Variants in FANK1 observed in about 807,000 individuals in gnomAD.
FANK1 encodes fibronectin type 3 and ankyrin repeat domains protein 1.
In FANK1, 44 loss-of-function variants were observed where a neutral mutation model predicts 45.3. The ratio of observed to expected loss-of-function variants is 0.97; its 90% CI spans 0.76 to 1.25. FANK1 has a LOEUF of 1.25. FANK1 is among the 50% of genes most tolerant of loss of function. FANK1 has a pLI of 0.00. For missense variants in FANK1, 391 were observed against 424.4 expected, an observed-to-expected ratio of 0.92 and a Z score of 0.69; for synonymous variants, 149 against 152.5, an observed-to-expected ratio of 0.98 and a Z score of 0.17.
intron 1 of FANK1, chr10:125,972,888 C>G (rs565755881): frequency 7.8e-6 from 1 of 127,978 alleles, no homozygotes; most frequent in African/African-American, 3.6e-5. Flanking sequence ...TCACTACCTG[C>G]CCCCAACACA....
intron 2 of FANK1, among the ~76,000 whole-genome samples, chr10:125,985,196 G>A (rs540796459): frequency 2.0e-5 from 3 of 152,176 alleles, no homozygotes; most frequent in Non-Finnish European, 4.4e-5. Context: ...AGCACTTCTG[G>A]TTTTATTTTG....
At chr10:125,934,741 T>G (rs1589927181) in intron 1 of FANK1, among the ~76,000 whole-genome samples, 3 of 133,340 alleles carry the variant, frequency 2.2e-5, no homozygotes, top group East Asian at 2.2e-4. Context: ...TTTTTTTTTT[T>G]TTTTTTTTTT....
chr10:125,990,665 C>T (rs1482102485), intron 3 of FANK1, among the ~76,000 whole-genome samples: 2 of 152,116 alleles, frequency 1.3e-5, no homozygotes, highest in Non-Finnish European at 2.9e-5. Flanking sequence ...TTCTGGCCGT[C>T]CTAGCCTGAG....
intron 1 of FANK1, among the ~76,000 whole-genome samples, chr10:125,936,305 T>A (rs959486066): frequency 5.9e-5 from 9 of 152,112 alleles, no homozygotes; most frequent in Admixed American, 1.3e-4. Context: ...TTTTTTTCAT[T>A]CCTTAACTGA....
chr10:125,971,830 G>T (rs555107828), intron 1 of FANK1, among the ~76,000 whole-genome samples: 1 of 152,082 alleles, frequency 6.6e-6, no homozygotes, highest in African/African-American at 2.4e-5. Context: ...CACCATGTTA[G>T]CCAGGATGGT....
chr10:125,976,629 T>TG (rs1294156348), intron 1 of FANK1, among the ~76,000 whole-genome samples: 3 of 151,980 alleles, frequency 2.0e-5, no homozygotes, highest in Non-Finnish European at 4.4e-5. Context: ...TGTAAATTTT[T>TG]TTTTTTTCCC....
In FANK1 at chr10:125,980,345, G is replaced by A. The variant is rs746415689; in HGVS notation, c.191+7G>A. ...CTTATGGTATCATTTATACGTAGGT[G>A]CAGTGTTGAATTGCTTGCCACTTTG... is the stretch of plus-strand genomic sequence containing the variant. On this transcript the variant is annotated splice_region_variant and intron_variant, in intron 2 of 10. Coordinates refer to ENST00000368693, the MANE Select transcript of FANK1 (RefSeq NM_145235.5). 2.5e-6 allele frequency: 4 copies of A among 1,610,628 alleles called. No homozygotes were observed. The highest frequency in any genetic ancestry group is 1.3e-5 in the African/African-American group (1 of 74,704).
intron 6 of FANK1, 73 bp from the exon 7 acceptor site, chr10:126,004,811 G>GGT: frequency 1.3e-6 from 2 of 1,526,386 alleles, no homozygotes; most frequent in Non-Finnish European, 1.8e-6. Context: ...GTTTAAGCCA[G>GGT]GTAGGGTAAA....
intron 1 of FANK1, among the ~76,000 whole-genome samples, chr10:125,931,921 A>T (rs570471991): frequency 1.3e-5 from 2 of 152,146 alleles, no homozygotes; most frequent in African/African-American, 2.4e-5. Flanking sequence ...ATTCTCCCAC[A>T]TGTGCATAAC....
chr10:125,984,841 TA>T lies in FANK1; in HGVS notation c.192-3709del, dbSNP rs1167681081. 3.9e-5 allele frequency among the ~76,000 whole-genome samples: 6 copies of T among 152,248 alleles called. No individual in the cohort carries two copies. In the East Asian group the frequency reaches 1.2e-3, roughly 29 times the overall value. On this transcript the variant is annotated intron_variant, in intron 2 of 10. Transcript: ENST00000368693. The stretch of plus-strand genomic sequence containing the variant: ...CTTTAAATTTTTGTAGACTTTCCTC[TA>T]CTGTGGAAGTCACTCTAAGATTCAT...
At chr10:125,980,555 C>A (rs1319016241) in intron 2 of FANK1, 2 of 493,368 alleles carry the variant, frequency 4.1e-6, no homozygotes, top group Admixed American at 7.5e-5. Flanking sequence ...TCTTTGACTT[C>A]TGAAATATTT....
At chr10:125,999,101 G>A (rs1418486667) in intron 6 of FANK1, among the ~76,000 whole-genome samples, 2 of 151,988 alleles carry the variant, frequency 1.3e-5, no homozygotes, top group African/African-American at 4.8e-5. Flanking sequence ...ATTTTTTAAC[G>A]TAACATTTTC....
chr10:125,951,409 GA>G (rs1399511337), intron 1 of FANK1, among the ~76,000 whole-genome samples: 1 of 151,780 alleles, frequency 6.6e-6, no homozygotes, highest in Non-Finnish European at 1.5e-5. Flanking sequence ...TTTGGAGGCA[GA>G]AAAATTTGCA....
intron 1 of FANK1, among the ~76,000 whole-genome samples, chr10:125,961,019 G>A (rs1305435447): frequency 6.6e-6 from 1 of 152,156 alleles, no homozygotes; most frequent in Non-Finnish European, 1.5e-5. Context: ...AGACAGCATG[G>A]TACTGTCATA....
At position 125,997,257 on chromosome 10, in the gene FANK1, GT is replaced by G. The variant is rs201551543; in HGVS notation, c.474-160del. On this transcript the variant is annotated intron_variant, in intron 5 of 10. Transcript: ENST00000368693. ...TCTGGAATAAAGAGGTGGTTTTCTGGTTTAATGGTGCCTGGTTTTAAAACCA... is the reference window on the plus strand; with the variant it reads ...TCTGGAATAAAGAGGTGGTTTTCTGGTTAATGGTGCCTGGTTTTAAAACCA... 9.5e-3 allele frequency among the ~76,000 whole-genome samples: 1,445 copies of G among 152,270 alleles called. 19 individuals carry two copies. The highest frequency in any genetic ancestry group is 0.014 in the Non-Finnish European group (932 of 68,028).
intron 1 of FANK1, among the ~76,000 whole-genome samples, chr10:125,958,563 A>G (rs1037466860): frequency 2.6e-5 from 4 of 152,158 alleles, no homozygotes; most frequent in African/African-American, 9.7e-5. Context: ...AGGAACCTCC[A>G]TACTGTTTTC....
At chr10:125,994,539 C>G in intron 3 of FANK1, 2 of 985,356 alleles carry the variant, frequency 2.0e-6, no homozygotes, top group Non-Finnish European at 2.4e-6. Context: ...TACTGTCACC[C>G]CCAACAACAG....
chr10:125,925,739 CT>C (rs1947303025), intron 1 of FANK1, among the ~76,000 whole-genome samples: 1 of 150,376 alleles, frequency 6.6e-6, no homozygotes, highest in Non-Finnish European at 1.5e-5. Context: ...CATTCAATAT[CT>C]TTGTATTTTA....
At chr10:125,989,385 A>G in intron 3 of FANK1, 1 of 1,547,274 alleles carries the variant, frequency 6.5e-7, no homozygotes, top group African/African-American at 1.4e-5. Flanking sequence ...TGCACAAAGG[A>G]AACCTTCCTT....
Sources: allele counts gnomAD v4.1 joint callset (sites outside exome capture counted in the v4.1 genomes callset), GRCh38; gene constraint gnomAD v4.1.1; transcripts MANE v1.5; gene names NCBI Gene and HGNC (gene_info 2026-07-23, HGNC 2026-07-21).